The following PTPRT variants were observed in gnomAD, a reference collection of about 807,000 sequenced individuals.
PTPRT encodes the protein protein tyrosine phosphatase receptor type T, also known as receptor-type tyrosine-protein phosphatase T.
Under a neutral mutation model 176.8 loss-of-function variants are expected in PTPRT, and 56 were observed. That is an observed-to-expected ratio of 0.32 (90% CI 0.26 to 0.40). The LOEUF (loss-of-function observed/expected upper bound fraction) is 0.40, where lower values mean the gene tolerates loss of function less well. PTPRT is among the 10% of genes least tolerant of loss of function. The pLI, the probability that PTPRT is intolerant of heterozygous loss-of-function variation, is 1.00. For missense variants in PTPRT, 1,540 were observed against 1,908.2 expected (o/e 0.81, Z 3.60); for synonymous variants, 783 against 739.0 (o/e 1.06, Z -0.96).
At chr20:42,506,244 G>A (rs186888673) in intron 7 of PTPRT, among the ~76,000 whole-genome samples, 3 of 152,044 alleles carry the variant, frequency 2.0e-5, no homozygotes, top group Non-Finnish European at 2.9e-5. Flanking sequence ...GTGTACATAT[G>A]GGGAATATGT....
At chr20:42,531,870 A>T (rs556161737) in intron 7 of PTPRT, among the ~76,000 whole-genome samples, 3 of 152,164 alleles carry the variant, frequency 2.0e-5, no homozygotes, top group Admixed American at 2.0e-4. Flanking sequence ...CAAGGGAAAC[A>T]TATACAGAAA....
At chr20:42,422,022 C>T (rs2059123046) in intron 9 of PTPRT, among the ~76,000 whole-genome samples, 1 of 152,190 alleles carries the variant, frequency 6.6e-6, no homozygotes, top group Non-Finnish European at 1.5e-5. Flanking sequence ...TGAAACTAAA[C>T]CTTTTCCTTA....
At chr20:42,488,378 A>G (rs979926381) in intron 7 of PTPRT, among the ~76,000 whole-genome samples, 8 of 152,146 alleles carry the variant, frequency 5.3e-5, no homozygotes, top group Admixed American at 3.9e-4. Flanking sequence ...GTACCTGTGA[A>G]CCCACATTCA....
rs144386447 is a variant in PTPRT, at chr20:42,874,605, G to A, written c.214+11202C>T. ...ATTGAAAAATAGAGAGTGGTTCAGG[G>A]CACAGATTCTGGATCCAGACGGCCT... On this transcript the variant is annotated intron_variant, in intron 2 of 30. Transcript: ENST00000373187. Among the ~76,000 whole-genome samples the A allele has an allele frequency of 4.6e-4, 70 of 152,264 alleles. 2 individuals are homozygous for A. Among genetic ancestry groups the A allele is most frequent in the African/African-American group, 1.6e-3 (66 of 41,548 alleles).
intron 9 of PTPRT, among the ~76,000 whole-genome samples, chr20:42,398,473 T>C (rs572023708): frequency 1.1e-4 from 16 of 152,334 alleles, no homozygotes; most frequent in African/African-American, 3.8e-4. Flanking sequence ...GATGGAGTAC[T>C]ATATCGTCAT....
chr20:42,051,814 G>A, the PTPRT span, among the ~76,000 whole-genome samples: 1 of 152,150 alleles, frequency 6.6e-6, no homozygotes, highest in Non-Finnish European at 1.5e-5. Flanking sequence ...GTGCAACGTC[G>A]CAGACAGCTG....
intron 9 of PTPRT, among the ~76,000 whole-genome samples, chr20:42,433,759 G>C (rs867369437): frequency 1.4e-4 from 22 of 152,314 alleles, no homozygotes; most frequent in South Asian, 4.1e-4. Context: ...ACTGAACATA[G>C]TGAGCTATTA....
chr20:42,258,547 T>G (rs752840999), intron 13 of PTPRT, among the ~76,000 whole-genome samples: 48 of 152,246 alleles, frequency 3.2e-4, no homozygotes, highest in Middle Eastern at 6.8e-3. Flanking sequence ...TTGTTCAAAT[T>G]TAGGTGATTT....
At position 42,135,884 on chromosome 20, in the gene PTPRT, C is replaced by T. The variant is rs151227148; in HGVS notation, c.2770+6031G>A. On this transcript the variant is annotated intron_variant, in intron 18 of 30. Coordinates refer to ENST00000373187, the MANE Select transcript of PTPRT (RefSeq NM_007050.6). ...TGTAGGGTCCTCACTCCTCCTGGAA[C>T]GCTGAGATCCATGACCTCCATACCC... Among the ~76,000 whole-genome samples, 41 of 152,276 alleles carry T rather than the reference C, an allele frequency of 2.7e-4. 1 individual carries two copies. The East Asian group carries it at 5.8e-3, about 22-fold the overall frequency.
chr20:43,089,998 G>A (rs1019330864), intron 1 of PTPRT, among the ~76,000 whole-genome samples: 3 of 152,254 alleles, frequency 2.0e-5, no homozygotes, highest in Non-Finnish European at 2.9e-5. Context: ...AGTGAAATCC[G>A]CCAATCAACT....
intron 7 of PTPRT, among the ~76,000 whole-genome samples, chr20:42,639,106 C>G (rs1433520667): frequency 2.6e-5 from 4 of 152,138 alleles, no homozygotes; most frequent in African/African-American, 9.7e-5. Context: ...TAAATCTGAA[C>G]CAGCTCAGAA....
chr20:42,511,273 C>G lies in PTPRT; in HGVS notation c.1154-38711G>C, dbSNP rs140988248. On this transcript the variant is annotated intron_variant, in intron 7 of 30. Transcript: ENST00000373187. The stretch of plus-strand genomic sequence containing the variant: ...GTTTCAGGTATTCTGTTATAAGCAA[C>G]AGAAAGCAGACTAATTAACCTGTTC... Among the ~76,000 whole-genome samples the G allele has an allele frequency of 4.5e-3, 679 of 152,166 alleles. 1 individual carries two copies. The highest frequency in any genetic ancestry group is 0.019 in the South Asian group (93 of 4,814).
chr20:42,605,814 T>C lies in PTPRT; in HGVS notation c.1153+72052A>G, dbSNP rs1274354798. Among the ~76,000 whole-genome samples, 12 of 152,122 alleles carry C rather than the reference T, an allele frequency of 7.9e-5. No individual in the cohort carries two copies. In the East Asian group the frequency reaches 2.3e-3, roughly 29 times the overall value. ...AGTCCACCGATTAGAGGGTCACAGG[T>C]TTCAGGATGCATCAGAATTACCTGG... is the stretch of plus-strand genomic sequence containing the variant. On this transcript the variant is annotated intron_variant, in intron 7 of 30. Transcript: ENST00000373187.
intron 9 of PTPRT, among the ~76,000 whole-genome samples, chr20:42,406,638 C>T (rs1044771426): frequency 6.6e-6 from 1 of 151,904 alleles, no homozygotes; most frequent in Admixed American, 6.6e-5. Context: ...CTTTTCCATT[C>T]ATTTTATATA....
At chr20:42,586,522 G>A (rs980883912) in intron 7 of PTPRT, among the ~76,000 whole-genome samples, 2 of 152,126 alleles carry the variant, frequency 1.3e-5, no homozygotes, top group Non-Finnish European at 2.9e-5. Flanking sequence ...CTCCACCAGA[G>A]CCTGCATTTT....
intron 6 of PTPRT, among the ~76,000 whole-genome samples, chr20:42,734,559 C>T (rs2076509723): frequency 6.6e-6 from 1 of 152,204 alleles, no homozygotes; most frequent in Non-Finnish European, 1.5e-5. Context: ...AGCACAACCT[C>T]ATACAAAATG....
intron 9 of PTPRT, among the ~76,000 whole-genome samples, chr20:42,403,483 C>T (rs1312106554): frequency 6.6e-6 from 1 of 152,136 alleles, no homozygotes; most frequent in Non-Finnish European, 1.5e-5. Context: ...CATATGAAGA[C>T]AAGGTGACAG....
chr20:42,877,288 T>C (rs2078948875), intron 2 of PTPRT, among the ~76,000 whole-genome samples: 1 of 152,108 alleles, frequency 6.6e-6, no homozygotes, highest in Admixed American at 6.5e-5. Context: ...CCATCCTTCC[T>C]AGATGAAAAG....
chr20:42,057,075 T>TTGTG, the PTPRT span, among the ~76,000 whole-genome samples: 1 of 152,248 alleles, frequency 6.6e-6, no homozygotes. Flanking sequence ...ATACATGCAA[T>TTGTG]TGTGCAGTCA....
Sources: allele counts gnomAD v4.1 joint callset (sites outside exome capture counted in the v4.1 genomes callset), GRCh38; gene constraint gnomAD v4.1.1; transcripts MANE v1.5; gene names NCBI Gene and HGNC (gene_info 2026-07-23, HGNC 2026-07-21).